Variants in CUBN observed in about 807,000 individuals in gnomAD.
CUBN encodes cubilin.
In CUBN, 282 loss-of-function variants were observed where a neutral mutation model predicts 405.3. The ratio of observed to expected loss-of-function variants is 0.70; its 90% CI spans 0.63 to 0.77. CUBN has a LOEUF of 0.77. CUBN is among the 30% of genes least tolerant of loss of function. CUBN has a pLI of 0.00. For synonymous variants in CUBN, 1,684 were observed against 1,617.0 expected, an observed-to-expected ratio of 1.04 and a Z score of -0.99; for missense variants, 4,514 against 4,475.2, an observed-to-expected ratio of 1.01 and a Z score of -0.25.
intron 14 of CUBN, among the ~76,000 whole-genome samples, chr10:17,089,097 C>T (rs1836194363): frequency 6.6e-6 from 1 of 152,102 alleles, no homozygotes; most frequent in Non-Finnish European, 1.5e-5. Context: ...AATAAAAATC[C>T]AGACTGTAGT....
chr10:16,875,596 A>C (rs1179003121), intron 57 of CUBN, among the ~76,000 whole-genome samples: 1 of 152,230 alleles, frequency 6.6e-6, no homozygotes, highest in Non-Finnish European at 1.5e-5. Context: ...CCCCAGGTCC[A>C]TCTGTAAAAG....
intron 43 of CUBN, among the ~76,000 whole-genome samples, chr10:16,922,616 T>G (rs1274406309): frequency 6.6e-6 from 1 of 152,204 alleles, no homozygotes; most frequent in Admixed American, 6.5e-5. Context: ...GCTTCATCAC[T>G]ATTATGTTTA....
At chr10:16,837,301 G>T (rs970231056) in intron 62 of CUBN, among the ~76,000 whole-genome samples, 1 of 151,948 alleles carries the variant, frequency 6.6e-6, no homozygotes, top group African/African-American at 2.4e-5. Context: ...TGGGAAGGGT[G>T]GGGGGCCAGC....
intron 58 of CUBN, among the ~76,000 whole-genome samples, chr10:16,870,823 T>C (rs1840329729): frequency 6.6e-6 from 1 of 152,224 alleles, no homozygotes; most frequent in African/African-American, 2.4e-5. Context: ...GATGCATCCC[T>C]AACTTTTCTC....
chr10:16,847,492 T>G (rs956435053), intron 60 of CUBN, among the ~76,000 whole-genome samples: 1 of 151,308 alleles, frequency 6.6e-6, no homozygotes, highest in Non-Finnish European at 1.5e-5. Flanking sequence ...AAAAAAAAAA[T>G]GTATTTTATT....
intron 62 of CUBN, among the ~76,000 whole-genome samples, chr10:16,839,918 G>A (rs1196281681): frequency 1.3e-5 from 2 of 152,056 alleles, no homozygotes; most frequent in Non-Finnish European, 2.9e-5. Context: ...CCTTTGTAGG[G>A]ACATGGATGA....
intron 36 of CUBN, among the ~76,000 whole-genome samples, chr10:16,941,883 G>C (rs1382812034): frequency 6.6e-6 from 1 of 152,050 alleles, no homozygotes. Context: ...GCAAGTTACA[G>C]ACCGGGGTGG....
intron 65 of CUBN, among the ~76,000 whole-genome samples, chr10:16,830,998 A>T (rs1838972581): frequency 6.6e-6 from 1 of 152,052 alleles, no homozygotes; most frequent in African/African-American, 2.4e-5. Context: ...GAGGTAGGAG[A>T]ATCACTTGAA....
intron 22 of CUBN, among the ~76,000 whole-genome samples, chr10:17,061,706 T>C (rs561136638): frequency 5.3e-5 from 8 of 152,320 alleles, no homozygotes; most frequent in African/African-American, 9.6e-5. Context: ...TCCTGTGTTG[T>C]TGTTGTTGGG....
At chr10:16,968,457 T>C (rs1483500828) in intron 31 of CUBN, among the ~76,000 whole-genome samples, 2 of 152,214 alleles carry the variant, frequency 1.3e-5, no homozygotes, top group African/African-American at 4.8e-5. Context: ...CCCTCGTTTG[T>C]GTTTTCCTCC....
At chr10:16,900,889 T>C in intron 52 of CUBN, 39 bp from the exon 53 acceptor site, 1 of 1,361,208 alleles carries the variant, frequency 7.3e-7, no homozygotes, top group Non-Finnish European at 1.0e-6. Context: ...AGTGAGCTTT[T>C]ATCAACTGTT....
intron 19 of CUBN, among the ~76,000 whole-genome samples, chr10:17,069,430 C>T (rs1307460618): frequency 6.6e-6 from 1 of 152,102 alleles, no homozygotes; most frequent in African/African-American, 2.4e-5. Flanking sequence ...GGTGGCTGTA[C>T]CAGTTTACAT....
chr10:17,113,906 A>C (rs1836824258), intron 8 of CUBN, 121 bp downstream of exon 8: 2 of 999,732 alleles, frequency 2.0e-6, no homozygotes, highest in Non-Finnish European at 3.1e-6. Flanking sequence ...ACCAGGACAC[A>C]AAACTGGATT....
chr10:16,938,623 A>G (rs1842579315), intron 38 of CUBN, among the ~76,000 whole-genome samples: 1 of 152,126 alleles, frequency 6.6e-6, no homozygotes, highest in South Asian at 2.1e-4. Context: ...TTTTTATATG[A>G]TCATTAAAAT....
chr10:16,889,314 ACT>A (rs777886443), intron 55 of CUBN, among the ~76,000 whole-genome samples: 14 of 151,894 alleles, frequency 9.2e-5, no homozygotes, highest in Non-Finnish European at 1.8e-4. Context: ...CCTTTCCAGC[ACT>A]CTCTGATTCA....
rs397812926 is a variant in CUBN, at chr10:17,065,132, C to G, written c.3139+376G>C. On this transcript the variant is annotated intron_variant, in intron 22 of 66. Coordinates refer to ENST00000377833, the MANE Select transcript of CUBN (RefSeq NM_001081.4). Reference sequence around the variant, plus strand: ...CTTTATCATTTCTCTCTCTCTCTCCCCCCCCCCCCACACACACATGCACAG... The same window carrying G: ...CTTTATCATTTCTCTCTCTCTCTCCGCCCCCCCCCACACACACATGCACAG... 3.7e-4 allele frequency among the ~76,000 whole-genome samples: 44 copies of G among 119,982 alleles called. 2 individuals are homozygous for G. The highest frequency in any genetic ancestry group is 1.6e-3 in the East Asian group (7 of 4,474). The allele number at this position is 119,982 out of a possible 152,430, so 78.7% of individuals were successfully genotyped here.
chr10:17,045,832 C>T lies in CUBN; in HGVS notation c.3490+102G>A, dbSNP rs1359624099. 2.5e-6 allele frequency: 3 copies of T among 1,202,576 alleles called. No homozygotes were observed. The East Asian group carries it at 7.0e-5, about 28-fold the overall frequency. 74.5% of individuals were successfully genotyped at this position (1,202,576 alleles called of 1,614,324 possible). On this transcript the variant is annotated intron_variant, in intron 24 of 66. Coordinates refer to ENST00000377833, the MANE Select transcript of CUBN (RefSeq NM_001081.4). The stretch of plus-strand genomic sequence containing the variant: ...TTGCAATATTGAAGTTTAAATACAG[C>T]TGGGCAAACATGGACAAGTGAGGGA...
chr10:16,916,681 G>A (rs1002064869), intron 45 of CUBN, among the ~76,000 whole-genome samples: 1 of 152,064 alleles, frequency 6.6e-6, no homozygotes, highest in African/African-American at 2.4e-5. Context: ...TTTGGTTTGT[G>A]TCTAAACCTA....
At chr10:17,077,764 TGA>T (rs1365243220) in intron 17 of CUBN, among the ~76,000 whole-genome samples, 1 of 152,020 alleles carries the variant, frequency 6.6e-6, no homozygotes, top group Non-Finnish European at 1.5e-5. Flanking sequence ...CTGCCCCCAG[TGA>T]GAGAATAAGG....
Sources: gnomAD v4.1 joint callset for allele counts (sites outside exome capture counted in the v4.1 genomes callset) on GRCh38, gnomAD v4.1.1 for gene constraint, MANE v1.5 for transcripts, NCBI Gene and HGNC (gene_info 2026-07-23, HGNC 2026-07-21) for gene names.